The following HMBOX1 variants were observed in gnomAD, a reference collection of about 807,000 sequenced individuals.
The protein encoded by HMBOX1 is homeobox-containing protein 1.
In HMBOX1, 14 loss-of-function variants were observed where a neutral mutation model predicts 54.5. That is an observed-to-expected ratio of 0.26 (90% CI 0.17 to 0.40). The LOEUF (loss-of-function observed/expected upper bound fraction) is 0.40. Ranked by LOEUF, HMBOX1 falls within the 10% of genes least tolerant of loss-of-function variation. The pLI is 1.00. For synonymous variants in HMBOX1, 160 were observed against 181.0 expected (o/e 0.88, Z 0.93); for missense variants, 332 against 514.4 (o/e 0.65, Z 3.43).
intron 1 of HMBOX1, among the ~76,000 whole-genome samples, chr8:28,941,448 CT>C (rs982767556): frequency 8.6e-5 from 13 of 152,026 alleles, no homozygotes; most frequent in African/African-American, 3.1e-4. Flanking sequence ...CTTACCTTTA[CT>C]TTTTTATTTT....
At chr8:29,046,414 A>G (rs1563643902) in intron 7 of HMBOX1, 2 of 152,192 alleles carry the variant, frequency 1.3e-5, no homozygotes, top group Non-Finnish European at 2.9e-5. Flanking sequence ...AACAAAAGGA[A>G]AGGTGAGGAG....
chr8:28,909,494 C>T (rs1380981510), intron 1 of HMBOX1, among the ~76,000 whole-genome samples: 1 of 152,156 alleles, frequency 6.6e-6, no homozygotes, highest in African/African-American at 2.4e-5. Flanking sequence ...CAGTTTCAGA[C>T]AGTAACAGTG....
At chr8:28,987,963 A>G (rs1830406176) in intron 4 of HMBOX1, among the ~76,000 whole-genome samples, 1 of 152,186 alleles carries the variant, frequency 6.6e-6, no homozygotes, top group Non-Finnish European at 1.5e-5. Flanking sequence ...TAAAATTTAC[A>G]TAAGAGTATA....
At chr8:28,961,668 T>G (rs1238441208) in intron 1 of HMBOX1, among the ~76,000 whole-genome samples, 2 of 152,162 alleles carry the variant, frequency 1.3e-5, no homozygotes, top group Non-Finnish European at 2.9e-5. Context: ...GAACACAGCC[T>G]GATTCCACTT....
At chr8:29,045,066 A>G (rs966316268) in intron 6 of HMBOX1, among the ~76,000 whole-genome samples, 9 of 152,254 alleles carry the variant, frequency 5.9e-5, no homozygotes, top group African/African-American at 2.2e-4. Flanking sequence ...TGTCCCATAT[A>G]ATAGCCACTA....
chr8:28,900,501 T>C (rs1813049308), intron 1 of HMBOX1, among the ~76,000 whole-genome samples: 1 of 151,964 alleles, frequency 6.6e-6, no homozygotes, highest in Non-Finnish European at 1.5e-5. Flanking sequence ...AGTGTTTCTT[T>C]CCTGATATTT....
At chr8:28,958,996 A>G (rs1448381595) in intron 1 of HMBOX1, among the ~76,000 whole-genome samples, 4 of 152,192 alleles carry the variant, frequency 2.6e-5, no homozygotes, top group African/African-American at 9.7e-5. Flanking sequence ...CACCGGGAAT[A>G]CATTCTAAGA....
Position 28,990,786 on chromosome 8 carries a change from T to C in HMBOX1, c.586+10630T>C, listed in dbSNP as rs542279340. On this transcript the variant is annotated intron_variant, in intron 4 of 9. Transcript: ENST00000287701. Reference sequence around the variant, plus strand: ...CTCCTATCTCAGCCTCCAGAGTAGCTGGGATTACAGGTGTCTGCCACCACA... The same window carrying C: ...CTCCTATCTCAGCCTCCAGAGTAGCCGGGATTACAGGTGTCTGCCACCACA... Among the ~76,000 whole-genome samples, 3 of 152,254 alleles carry C rather than the reference T, an allele frequency of 2.0e-5. No individual in the cohort carries two copies. The East Asian group carries it at 5.8e-4, about 29-fold the overall frequency.
chr8:28,899,364 GA>G (rs1812772302), intron 1 of HMBOX1, among the ~76,000 whole-genome samples: 1 of 152,138 alleles, frequency 6.6e-6, no homozygotes, highest in African/African-American at 2.4e-5. Context: ...CCATCATTAA[GA>G]TCTAGAGACA....
intron 6 of HMBOX1, among the ~76,000 whole-genome samples, chr8:29,030,031 T>A (rs1802682383): frequency 6.6e-6 from 1 of 152,032 alleles, no homozygotes. Context: ...AGACTTCTGT[T>A]TATTTCTTTT....
At chr8:28,965,869 G>A (rs1826346231) in intron 2 of HMBOX1, among the ~76,000 whole-genome samples, 2 of 152,140 alleles carry the variant, frequency 1.3e-5, no homozygotes, top group South Asian at 4.1e-4. Context: ...CTGAGAGGAT[G>A]GAGAGTTCTC....
intron 1 of HMBOX1, among the ~76,000 whole-genome samples, chr8:28,908,566 C>T (rs28378101): frequency 2.0e-5 from 3 of 152,114 alleles, no homozygotes; most frequent in African/African-American, 7.2e-5. Flanking sequence ...ACCAGCCTGA[C>T]CAACATGGCC....
intron 1 of HMBOX1, among the ~76,000 whole-genome samples, chr8:28,912,233 G>A (rs976711274): frequency 2.0e-5 from 3 of 152,106 alleles, no homozygotes; most frequent in Admixed American, 1.3e-4. Context: ...GTGACCTTAC[G>A]CTAAGTTGAG....
At chr8:29,045,967 G>A (rs1805508351) in intron 7 of HMBOX1, among the ~76,000 whole-genome samples, 1 of 152,144 alleles carries the variant, frequency 6.6e-6, no homozygotes, top group Non-Finnish European at 1.5e-5. Context: ...TTGAAGTCCT[G>A]TTGTTCCAAA....
Position 29,051,658 on chromosome 8 carries a change from T to C in HMBOX1, c.*503T>C. On this transcript the variant is annotated 3_prime_UTR_variant, in exon 10 of 10. Transcript: ENST00000287701. The stretch of plus-strand genomic sequence containing the variant: ...TAGAATCCCCACCTCAGCGTGAGGA[T>C]AATTGATTTCCAGCTGCAATAAGCC... The C allele has an allele frequency of 2.9e-6, 2 of 701,048 alleles. No homozygotes were observed. Among genetic ancestry groups the C allele is most frequent in the Non-Finnish European group, 5.2e-6 (2 of 383,418 alleles). The allele number at this position is 701,048 out of a possible 1,614,324, so 43.4% of individuals were successfully genotyped here.
intron 4 of HMBOX1, among the ~76,000 whole-genome samples, chr8:28,990,081 A>G (rs899674530): frequency 6.6e-6 from 1 of 152,150 alleles, no homozygotes; most frequent in Non-Finnish European, 1.5e-5. Context: ...TAGTAGCTTT[A>G]AAACATTTTT....
At chr8:28,998,743 A>G (rs1475506348) in intron 4 of HMBOX1, among the ~76,000 whole-genome samples, 1 of 151,788 alleles carries the variant, frequency 6.6e-6, no homozygotes, top group Non-Finnish European at 1.5e-5. Flanking sequence ...TTTGTGTTAA[A>G]TAGATTGTTT....
chr8:29,011,135 G>C (rs1834170306), intron 5 of HMBOX1, among the ~76,000 whole-genome samples: 1 of 152,216 alleles, frequency 6.6e-6, no homozygotes, highest in African/African-American at 2.4e-5. Flanking sequence ...GAAATGGATA[G>C]CTATGTGATA....
In HMBOX1 at chr8:28,980,058, C is replaced by T; in HGVS notation, c.501-13C>T. The stretch of plus-strand genomic sequence containing the variant: ...CAACATACATTGTTGGTCTTGTCTT[C>T]TGTTTTTGTTAGGAGGGACAGCAGT... On this transcript the variant is annotated splice_polypyrimidine_tract_variant and intron_variant, in intron 3 of 9. Transcript: ENST00000287701. 6.3e-7 allele frequency: 1 copy of T among 1,594,510 alleles called. No homozygotes were observed. Among genetic ancestry groups the T allele is most frequent in the Non-Finnish European group, 8.6e-7 (1 of 1,162,240 alleles).
Sources: allele counts gnomAD v4.1 joint callset (sites outside exome capture counted in the v4.1 genomes callset), GRCh38; gene constraint gnomAD v4.1.1; transcripts MANE v1.5; gene names NCBI Gene and HGNC (gene_info 2026-07-23, HGNC 2026-07-21).